The following PRKCE variants were observed in gnomAD, a reference collection of about 807,000 sequenced individuals.
The protein encoded by PRKCE is protein kinase C epsilon.
PRKCE carries 16 observed loss-of-function variants against 85.4 expected under a neutral mutation model. The ratio of observed to expected loss-of-function variants is 0.19; its 90% CI spans 0.13 to 0.28. PRKCE has a LOEUF of 0.28. Among genes scored for constraint, PRKCE ranks in the 10% least tolerant of loss-of-function variants. PRKCE has a pLI of 1.00. For synonymous variants in PRKCE, 388 were observed against 371.5 expected, an observed-to-expected ratio of 1.04 and a Z score of -0.51; for missense variants, 573 against 975.2, an observed-to-expected ratio of 0.59 and a Z score of 5.49.
chr2:45,889,763 C>T (rs917693727), intron 2 of PRKCE, among the ~76,000 whole-genome samples: 1 of 152,270 alleles, frequency 6.6e-6, no homozygotes, highest in East Asian at 1.9e-4. Flanking sequence ...TTTATGTGTT[C>T]TGATTTAGTG....
chr2:45,790,746 C>T (rs2105087869), intron 1 of PRKCE, among the ~76,000 whole-genome samples: 1 of 152,334 alleles, frequency 6.6e-6, no homozygotes, highest in South Asian at 2.1e-4. Context: ...AAGGGATGTA[C>T]TATGCTCTGG....
intron 6 of PRKCE, among the ~76,000 whole-genome samples, chr2:45,990,716 A>G (rs1324071269): frequency 1.3e-5 from 2 of 149,832 alleles, no homozygotes; most frequent in Non-Finnish European, 1.5e-5. Flanking sequence ...GTGCAGTGAC[A>G]TGATCTCGGC....
chr2:45,823,269 G>A (rs969005023), intron 1 of PRKCE, among the ~76,000 whole-genome samples: 4 of 152,186 alleles, frequency 2.6e-5, no homozygotes, highest in African/African-American at 7.2e-5. Context: ...TACTTCAAAC[G>A]ACACACCTGG....
chr2:45,861,270 C>T (rs1216042058), intron 2 of PRKCE, among the ~76,000 whole-genome samples: 1 of 152,146 alleles, frequency 6.6e-6, no homozygotes, highest in Non-Finnish European at 1.5e-5. Flanking sequence ...ATCCTTGTAA[C>T]TCCTGGGAGA....
rs1675307553 is a variant in PRKCE at position 46,139,572 on chromosome 2, C to A, written c.1593-5521C>A. On this transcript the variant is annotated intron_variant, in intron 11 of 14. Transcript: ENST00000306156. The surrounding 1 kb of genome is among the most constrained non-coding windows in gnomAD (Gnocchi z 5.2). The stretch of plus-strand genomic sequence containing the variant: ...AAGGCTGATGGTCCAGTTACCATTC[C>A]TAGGACTTAGTCCTTGTCTTTATGG... 6.6e-6 allele frequency among the ~76,000 whole-genome samples: 1 copy of A among 152,034 alleles called. No individual in the cohort carries two copies. The highest frequency in any genetic ancestry group is 1.5e-5 in the Non-Finnish European group (1 of 68,008).
intron 2 of PRKCE, among the ~76,000 whole-genome samples, chr2:45,882,884 C>CTAATAAA (rs1694985176): frequency 6.6e-6 from 1 of 152,234 alleles, no homozygotes; most frequent in Non-Finnish European, 1.5e-5. Flanking sequence ...CAAGCAGGCT[C>CTAATAAA]CCTGCAAAAG....
At chr2:45,879,537 C>A (rs952919800) in intron 2 of PRKCE, among the ~76,000 whole-genome samples, 3 of 152,228 alleles carry the variant, frequency 2.0e-5, no homozygotes, top group Non-Finnish European at 4.4e-5. Flanking sequence ...AGAGCACTGC[C>A]TGTAACACAT....
chr2:46,155,183 C>T lies in PRKCE; in HGVS notation c.1920+3954C>T, dbSNP rs1162373468. On this transcript the variant is annotated intron_variant, in intron 13 of 14. Transcript: ENST00000306156. The surrounding 1 kb of genome is among the most constrained non-coding windows in gnomAD (Gnocchi z 4.7). Reference sequence around the variant, plus strand: ...CAGATCTGGCTTTCCAAGAGAAGCACGAAATCCAGATTTTTATGTAAAAAT... The same window carrying T: ...CAGATCTGGCTTTCCAAGAGAAGCATGAAATCCAGATTTTTATGTAAAAAT... Among the ~76,000 whole-genome samples, 6 of 152,040 alleles carry T rather than the reference C, an allele frequency of 3.9e-5. No homozygotes were observed. Among genetic ancestry groups the T allele is most frequent in the African/African-American group, 1.5e-4 (6 of 41,368 alleles).
At chr2:45,865,223 C>T (rs1573659733) in intron 2 of PRKCE, among the ~76,000 whole-genome samples, 3 of 152,272 alleles carry the variant, frequency 2.0e-5, no homozygotes, top group African/African-American at 4.8e-5. Flanking sequence ...GACTTGAAAG[C>T]AGTGATTCTC....
At chr2:45,781,328 C>T (rs1482533686) in intron 1 of PRKCE, among the ~76,000 whole-genome samples, 1 of 152,124 alleles carries the variant, frequency 6.6e-6, no homozygotes, top group Non-Finnish European at 1.5e-5. Context: ...CAGAGCATGA[C>T]CCTGTCTCAA....
chr2:45,829,595 G>T (rs1036101021), intron 1 of PRKCE, among the ~76,000 whole-genome samples: 1 of 152,292 alleles, frequency 6.6e-6, no homozygotes, highest in Admixed American at 6.5e-5. Context: ...TGGAGCTAGA[G>T]CCCAGAACAT....
rs1357647621 is a variant in PRKCE, at chr2:45,895,185, G to C, written c.412+52122G>C. Among the ~76,000 whole-genome samples the C allele has an allele frequency of 4.6e-5, 7 of 152,156 alleles. No homozygotes were observed. The highest frequency in any genetic ancestry group is 4.6e-4 in the Admixed American group (7 of 15,278). ...AAAGGAAGGAAGTTTTTTTCAGGCG[G>C]AGTGGGTTGGATGAGGCACATGTTT... On this transcript the variant is annotated intron_variant, in intron 2 of 14. Transcript: ENST00000306156. The surrounding 1 kb of genome is among the most constrained non-coding windows in gnomAD (Gnocchi z 4.8).
At chr2:45,960,514 A>G (rs952565128) in intron 2 of PRKCE, among the ~76,000 whole-genome samples, 9 of 152,176 alleles carry the variant, frequency 5.9e-5, no homozygotes, top group Admixed American at 5.2e-4. Context: ...CCCCCAACCT[A>G]GATCCCTCAC....
chr2:45,970,365 T>C (rs745573564), intron 2 of PRKCE, among the ~76,000 whole-genome samples: 1 of 152,212 alleles, frequency 6.6e-6, no homozygotes, highest in Non-Finnish European at 1.5e-5. Context: ...AGCTATTATC[T>C]ATGGGGATCT....
At chr2:46,119,150 T>A (rs1673067667) in intron 11 of PRKCE, among the ~76,000 whole-genome samples, 3 of 152,104 alleles carry the variant, frequency 2.0e-5, no homozygotes, top group Admixed American at 2.0e-4. Context: ...TTCTCTAGTC[T>A]TGACCTAACT....
rs867481080 is a variant in PRKCE at position 45,979,111 on chromosome 2, C to A, written c.607+101C>A. The A allele has an allele frequency of 3.1e-5, 33 of 1,066,450 alleles. No homozygotes were observed. The Middle Eastern group carries it at 4.9e-3, about 159-fold the overall frequency. The allele number at this position is 1,066,450 out of a possible 1,614,324, so 66.1% of individuals were successfully genotyped here. On this transcript the variant is annotated intron_variant, in intron 4 of 14. Transcript: ENST00000306156. ...TGCTCAGTCTGATGACATTTGGAGG[C>A]TCTCCACAGCTTGCATGCTTTCTTT...
At chr2:45,658,772 A>G (rs546809938) in intron 1 of PRKCE, among the ~76,000 whole-genome samples, 1 of 152,220 alleles carries the variant, frequency 6.6e-6, no homozygotes, top group Non-Finnish European at 1.5e-5. Context: ...GTCCAGTGAA[A>G]TATATTTTTC....
chr2:45,928,740 A>G (rs1698817011), intron 2 of PRKCE, among the ~76,000 whole-genome samples: 1 of 152,162 alleles, frequency 6.6e-6, no homozygotes, highest in Non-Finnish European at 1.5e-5. Context: ...GTCCTTCTTC[A>G]TGCTTTTTCC....
intron 6 of PRKCE, among the ~76,000 whole-genome samples, chr2:45,993,230 C>G (rs1703952127): frequency 6.6e-6 from 1 of 152,188 alleles, no homozygotes; most frequent in Admixed American, 6.5e-5. Context: ...ACAGGGACGC[C>G]CACTGTCCTT....
Sources: allele counts gnomAD v4.1 joint callset (sites outside exome capture counted in the v4.1 genomes callset), GRCh38; gene constraint gnomAD v4.1.1; non-coding constraint Gnocchi (gnomAD v3.1); transcripts MANE v1.5; gene names NCBI Gene and HGNC (gene_info 2026-07-23, HGNC 2026-07-21).